The following MOK variants were observed in gnomAD, a reference collection of about 807,000 sequenced individuals.
MOK encodes MAPK/MAK/MRK overlapping kinase.
A neutral mutation model predicts 54.2 loss-of-function variants in MOK; 59 were observed. The observed-to-expected ratio is 1.09, with a 90% confidence interval of 0.88 to 1.35. MOK has a LOEUF of 1.35. Ranked by LOEUF, MOK falls within the 40% of genes most tolerant of loss-of-function variation. The pLI is 0.00. For synonymous variants in MOK, 210 were observed against 202.7 expected (o/e 1.04, Z -0.31); for missense variants, 517 against 526.2 (o/e 0.98, Z 0.17).
At chr14:102,244,204 G>A (rs1453549928) in intron 7 of MOK, among the ~76,000 whole-genome samples, 1 of 152,182 alleles carries the variant, frequency 6.6e-6, no homozygotes, top group Non-Finnish European at 1.5e-5. Flanking sequence ...CAACGCTTAT[G>A]CTGATAAGGT....
intron 1 of MOK, among the ~76,000 whole-genome samples, chr14:102,292,028 A>G (rs2070812816): frequency 1.3e-5 from 2 of 152,032 alleles, no homozygotes; most frequent in Non-Finnish European, 2.9e-5. Flanking sequence ...ACACTGTGCC[A>G]TGCACTGTAG....
chr14:102,267,082 G>T (rs1280812112), intron 2 of MOK, among the ~76,000 whole-genome samples: 1 of 152,090 alleles, frequency 6.6e-6, no homozygotes, highest in Non-Finnish European at 1.5e-5. Context: ...AGGCCCATGG[G>T]GTCACACCTA....
the MOK span, chr14:102,215,078 T>G: frequency 8.5e-6 from 7 of 819,892 alleles, no homozygotes; most frequent in African/African-American, 1.9e-5. Context: ...CAGAAAAGTT[T>G]TTAAATGCTG....
chr14:102,290,242 C>T (rs1224117199), intron 1 of MOK, among the ~76,000 whole-genome samples: 1 of 151,190 alleles, frequency 6.6e-6, no homozygotes, highest in African/African-American at 2.4e-5. Context: ...GAGTTCAAGA[C>T]CAGCCTGACC....
chr14:102,278,309 T>A (rs2069074799), intron 2 of MOK, among the ~76,000 whole-genome samples: 2 of 152,074 alleles, frequency 1.3e-5, no homozygotes, highest in African/African-American at 4.8e-5. Flanking sequence ...GGATGTTGAT[T>A]CTGGCTGCTG....
At chr14:102,244,748 T>C (rs2065964747) in intron 7 of MOK, among the ~76,000 whole-genome samples, 1 of 152,154 alleles carries the variant, frequency 6.6e-6, no homozygotes, top group Non-Finnish European at 1.5e-5. Context: ...CTGTCAGACA[T>C]AATTCCTCGG....
At chr14:102,222,869 G>T, downstream of MOK, 1 of 1,614,208 alleles carries the variant, frequency 6.2e-7, no homozygotes, top group Non-Finnish European at 8.5e-7. The surrounding 1 kb of genome is among the most constrained non-coding windows in gnomAD (Gnocchi z 4.4). Context: ...TTCTCCAGGT[G>T]GAACTGTAGT....
intron 1 of MOK, among the ~76,000 whole-genome samples, chr14:102,288,821 C>G (rs1194843371): frequency 6.6e-6 from 1 of 152,234 alleles, no homozygotes; most frequent in African/African-American, 2.4e-5. Flanking sequence ...ACCAGTAACA[C>G]TCTGCTTCTT....
At chr14:102,248,301 C>A (rs527439050) in intron 7 of MOK, among the ~76,000 whole-genome samples, 1 of 152,270 alleles carries the variant, frequency 6.6e-6, no homozygotes, top group Admixed American at 6.5e-5. Context: ...GTAAAGCCAG[C>A]AGACTTCACC....
In MOK at chr14:102,250,949, A is replaced by C; in HGVS notation, c.453T>G (p.Ser151Arg). Residue 151 changes from serine (S) to arginine (R), a missense_variant, in exon 7 of 12, where the codon AGT (serine) becomes AGG (arginine). Transcript: ENST00000361847. ...LKLGDFGSCR[S>R]VYSKQPYTEY... ...CCGTGTACGGCTGCTTGGAATAGACACTCCGGCAGGAGCCAAAGTCCCCTA... is the reference window on the plus strand; with the variant it reads ...CCGTGTACGGCTGCTTGGAATAGACCCTCCGGCAGGAGCCAAAGTCCCCTA... 1 of 1,613,838 alleles carries C rather than the reference A, an allele frequency of 6.2e-7. No homozygotes were observed. The highest frequency in any genetic ancestry group is 8.5e-7 in the Non-Finnish European group (1 of 1,179,990).
chr14:102,251,944 A>G lies in MOK; in HGVS notation c.335T>C (p.Leu112Ser). The change falls in exon 5 of 12, where the codon TTA becomes TCA. Residue 112 changes from leucine (L) to serine (S), a missense_variant. Physicochemically the swap from Leu to Ser is moderately radical, Grantham distance 145. Transcript: ENST00000361847. ...EKKIMHYMYQ[L>S]CKSLDHIHRN... ...GTGAATATGATCCAGGGACTTACAT[A>G]ACTGGTACATATAGTGCATAATTTT... 6.2e-7 allele frequency: 1 copy of G among 1,607,284 alleles called. No individual in the cohort carries two copies. Among genetic ancestry groups the G allele is most frequent in the South Asian group, 1.1e-5 (1 of 90,448 alleles).
chr14:102,265,983 T>C, intron 2 of MOK, 71 bp from the exon 3 acceptor site: 1 of 1,084,790 alleles, frequency 9.2e-7, no homozygotes, highest in Non-Finnish European at 1.4e-6. Context: ...TTACTTATTA[T>C]CCAGGATCAC....
In MOK at chr14:102,230,666, C is replaced by A. The variant is rs778331155; in HGVS notation, c.982-1009G>T. ...CCCTCTGTCCAGGAGGGAGCGGAGG[C>A]AGAGCAGGGACAGTAGTGAGGAGGC... is the stretch of plus-strand genomic sequence containing the variant. On this transcript the variant is annotated intron_variant, in intron 10 of 11. Transcript: ENST00000361847. This position sits in a 1 kb window ranked among gnomAD's most constrained non-coding sequence, Gnocchi z 4.1. 11 of 152,830 alleles carry A rather than the reference C, an allele frequency of 7.2e-5. No individual in the cohort carries two copies. The highest frequency in any genetic ancestry group is 2.1e-4 in the South Asian group (1 of 4,826). 9.5% of individuals were successfully genotyped at this position (152,830 alleles called of 1,614,324 possible).
intron 7 of MOK, among the ~76,000 whole-genome samples, chr14:102,246,796 C>T (rs1423628767): frequency 1.3e-5 from 2 of 152,126 alleles, no homozygotes; most frequent in Non-Finnish European, 2.9e-5. Flanking sequence ...CGTAACAACC[C>T]ACACAATCTT....
chr14:102,260,968 A>G (rs937505996), intron 4 of MOK, among the ~76,000 whole-genome samples: 1 of 151,516 alleles, frequency 6.6e-6, no homozygotes, highest in Non-Finnish European at 1.5e-5. Context: ...TAAAAATACA[A>G]AACAATTGGC....
chr14:102,224,371 C>CAGCTCGTG (rs2064160633), downstream of MOK: 1 of 350,462 alleles, frequency 2.9e-6, no homozygotes, highest in South Asian at 2.2e-5. Flanking sequence ...TGGTTGAAAC[C>CAGCTCGTG]AGCTCGTGAG....
At chr14:102,296,769 T>C (rs912845357) in intron 1 of MOK, among the ~76,000 whole-genome samples, 6 of 151,970 alleles carry the variant, frequency 3.9e-5, no homozygotes, top group Admixed American at 3.9e-4. Flanking sequence ...AAAATAATAA[T>C]AATAAATAAG....
rs1464157070 is a variant in MOK at position 102,235,244 on chromosome 14, C to T, written c.591-1455G>A. ...AGTGGCATGGGCCGAAGGGATGGTC[C>T]GTGTCCACGTCCCATTTTCCCTCTC... On this transcript the variant is annotated intron_variant, in intron 7 of 11. Transcript: ENST00000361847. The surrounding 1 kb of genome is among the most constrained non-coding windows in gnomAD (Gnocchi z 4.4). 2 of 152,392 alleles carry T rather than the reference C, an allele frequency of 1.3e-5. No homozygotes were observed. Among genetic ancestry groups the T allele is most frequent in the Non-Finnish European group, 2.9e-5 (2 of 68,044 alleles). 9.4% of individuals were successfully genotyped at this position (152,392 alleles called of 1,614,324 possible).
chr14:102,277,936 T>C (rs2069035916), intron 2 of MOK, among the ~76,000 whole-genome samples: 1 of 152,212 alleles, frequency 6.6e-6, no homozygotes, highest in African/African-American at 2.4e-5. Context: ...GTTGAAACCC[T>C]AAACCCCCAA....
Sources: allele counts gnomAD v4.1 joint callset (sites outside exome capture counted in the v4.1 genomes callset), GRCh38; gene constraint gnomAD v4.1.1; non-coding constraint Gnocchi (gnomAD v3.1); transcripts MANE v1.5; gene names NCBI Gene and HGNC (gene_info 2026-07-23, HGNC 2026-07-21).